RNF38: variants seen among roughly 807,000 people sequenced by gnomAD.
RNF38 encodes the protein E3 ubiquitin-protein ligase RNF38.
A neutral mutation model predicts 67.2 loss-of-function variants in RNF38; 15 were observed. The ratio of observed to expected loss-of-function variants is 0.22; its 90% CI spans 0.15 to 0.34. The LOEUF (loss-of-function observed/expected upper bound fraction) is 0.34. RNF38 is among the 10% of genes least tolerant of loss of function. The pLI, the probability that RNF38 is intolerant of heterozygous loss-of-function variation, is 1.00. For synonymous variants in RNF38, 220 were observed against 218.8 expected, an observed-to-expected ratio of 1.01 and a Z score of -0.05; for missense variants, 524 against 639.9, an observed-to-expected ratio of 0.82 and a Z score of 1.95.
chr9:36,451,504 T>TTGTTTGTTTG lies in RNF38; in HGVS notation n.242-26822_242-26821insCAAACAAACA, dbSNP rs1564068049. ...AAAATTGTAGTAGTTTTTTTTTTTT[T>TTGTTTGTTTG]TTTTTTTTTTTTTGAGACGGAGTTT... On this transcript the variant is annotated intron_variant and non_coding_transcript_variant, in intron 1 of 3. Transcript: ENST00000488058. Among the ~76,000 whole-genome samples the TTGTTTGTTTG allele has an allele frequency of 5.2e-3, 674 of 130,202 alleles. 15 individuals are homozygous for TTGTTTGTTTG. The highest frequency in any genetic ancestry group is 0.02 in the African/African-American group (582 of 29,212). 85.4% of individuals were successfully genotyped at this position (130,202 alleles called of 152,430 possible).
At chr9:36,446,655 A>T (rs1038454162) in intron 1 of RNF38, among the ~76,000 whole-genome samples, 2 of 151,088 alleles carry the variant, frequency 1.3e-5, no homozygotes, top group African/African-American at 4.9e-5. Flanking sequence ...AAAAACACAG[A>T]AAGTTAGCCA....
intron 1 of RNF38, among the ~76,000 whole-genome samples, chr9:36,442,068 T>TA (rs1839204543): frequency 6.6e-6 from 1 of 152,084 alleles, no homozygotes; most frequent in Non-Finnish European, 1.5e-5. Context: ...CTCCTACTTA[T>TA]AAGGGGGGGA....
At chr9:36,479,077 C>T (rs1044707938) in intron 1 of RNF38, among the ~76,000 whole-genome samples, 1 of 152,162 alleles carries the variant, frequency 6.6e-6, no homozygotes, top group African/African-American at 2.4e-5. Flanking sequence ...CACTTAAACA[C>T]GTTCCTGTCA....
chr9:36,350,788 T>C (rs1046814699), intron 9 of RNF38, among the ~76,000 whole-genome samples: 3 of 152,254 alleles, frequency 2.0e-5, no homozygotes, highest in African/African-American at 7.2e-5. Context: ...TGTTTGTATC[T>C]TGAAATCCAC....
intron 4 of RNF38, among the ~76,000 whole-genome samples, chr9:36,368,889 T>C (rs1835168000): frequency 2.0e-5 from 3 of 151,970 alleles, no homozygotes; most frequent in African/African-American, 7.2e-5. Context: ...CACATGTCTT[T>C]TTTTTTTTGA....
chr9:36,476,185 C>T (rs1036183514), intron 1 of RNF38, among the ~76,000 whole-genome samples: 7 of 152,046 alleles, frequency 4.6e-5, no homozygotes, highest in Non-Finnish European at 5.9e-5. Flanking sequence ...AGTGCAGTGG[C>T]GTGATCTCGA....
chr9:36,344,969 A>G lies in RNF38; in HGVS notation c.1264-16T>C. On this transcript the variant is annotated splice_polypyrimidine_tract_variant and intron_variant, in intron 9 of 11. Coordinates refer to ENST00000259605, the MANE Select transcript of RNF38 (RefSeq NM_022781.5). ...TTAACAGGGCCTGCAGCGGTAAAAG[A>G]CGACATATTTTCATCTATCTTTACA... The G allele has an allele frequency of 6.3e-7, 1 of 1,596,766 alleles. No homozygotes were observed.
In RNF38 at chr9:36,338,382, CTCAT is replaced by C. The variant is rs894821665; in HGVS notation, c.*1366_*1369del. 2.6e-5 allele frequency: 4 copies of C among 152,080 alleles called. No homozygotes were observed. The highest frequency in any genetic ancestry group is 1.3e-4 in the Admixed American group (2 of 15,264). The allele number at this position is 152,080 out of a possible 1,614,324, so 9.4% of individuals were successfully genotyped here. ...TGGACACCTGTTGTATTAAACTTTT[CTCAT>C]TCAAACAAAAATTAAAAGGAAAGGC... On this transcript the variant is annotated 3_prime_UTR_variant, in exon 12 of 12. Transcript: ENST00000259605.
At chr9:36,470,382 G>A (rs1839968788) in intron 1 of RNF38, among the ~76,000 whole-genome samples, 1 of 152,130 alleles carries the variant, frequency 6.6e-6, no homozygotes, top group African/African-American at 2.4e-5. Flanking sequence ...CTGGGAATGG[G>A]AAGTAGGGGA....
At chr9:36,345,859 C>G (rs750537720) in intron 9 of RNF38, among the ~76,000 whole-genome samples, 61 of 152,256 alleles carry the variant, frequency 4.0e-4, no homozygotes, top group Non-Finnish European at 7.2e-4. Flanking sequence ...AGTTTGAAAT[C>G]TGCTAAATGA....
At chr9:36,486,376 G>C (rs1186751706) in intron 1 of RNF38, among the ~76,000 whole-genome samples, 2 of 152,096 alleles carry the variant, frequency 1.3e-5, no homozygotes, top group African/African-American at 4.8e-5. Context: ...TTCAAGCCTG[G>C]GATAGCTGTT....
intron 2 of RNF38, among the ~76,000 whole-genome samples, chr9:36,413,795 T>G (rs1276876462): frequency 6.6e-6 from 1 of 152,234 alleles, no homozygotes; most frequent in Non-Finnish European, 1.5e-5. Context: ...CATTGTTTCT[T>G]TGTTAACTTT....
At chr9:36,462,932 C>T (rs537105695) in intron 1 of RNF38, among the ~76,000 whole-genome samples, 1 of 152,050 alleles carries the variant, frequency 6.6e-6, no homozygotes, top group Non-Finnish European at 1.5e-5. Flanking sequence ...GCCTCAGTCT[C>T]CCCTGCTGGG....
chr9:36,362,571 C>G (rs942629137), intron 4 of RNF38, among the ~76,000 whole-genome samples: 2 of 151,896 alleles, frequency 1.3e-5, no homozygotes, highest in African/African-American at 2.4e-5. Flanking sequence ...CTCCAAGGAC[C>G]CTTTCCTGGT....
upstream of RNF38, among the ~76,000 whole-genome samples, chr9:36,401,546 G>A (rs774164024): frequency 6.6e-6 from 1 of 152,172 alleles, no homozygotes; most frequent in Non-Finnish European, 1.5e-5. Flanking sequence ...AACCCAACTT[G>A]TCCGAGGCTT....
At chr9:36,437,548 C>A (rs1303153718) in intron 1 of RNF38, among the ~76,000 whole-genome samples, 1 of 146,016 alleles carries the variant, frequency 6.8e-6, no homozygotes, top group East Asian at 2.0e-4. Flanking sequence ...ATAGAAGGAG[C>A]AAGGTTGAAA....
intron 6 of RNF38, among the ~76,000 whole-genome samples, chr9:36,354,132 A>G (rs1249524894): frequency 2.0e-5 from 3 of 152,200 alleles, no homozygotes; most frequent in Non-Finnish European, 2.9e-5. Flanking sequence ...CAGCCCAAAA[A>G]GAAACTGTAT....
intron 1 of RNF38, among the ~76,000 whole-genome samples, chr9:36,473,279 A>G (rs1360963151): frequency 2.0e-5 from 3 of 151,530 alleles, no homozygotes; most frequent in African/African-American, 7.3e-5. Flanking sequence ...TGGACAACAT[A>G]GTGAGACCCC....
exon 1 of RNF38, chr9:36,487,533 C>T: frequency 5.1e-6 from 5 of 980,228 alleles, no homozygotes; most frequent in Non-Finnish European, 3.6e-6. Context: ...GCGGCGGCAG[C>T]GACCGCGGCG....
Sources: allele counts gnomAD v4.1 joint callset (sites outside exome capture counted in the v4.1 genomes callset), GRCh38; gene constraint gnomAD v4.1.1; transcripts MANE v1.5; gene names NCBI Gene and HGNC (gene_info 2026-07-23, HGNC 2026-07-21).